DCDC2C: variants seen among roughly 807,000 people sequenced by gnomAD.
The protein encoded by DCDC2C is doublecortin domain-containing protein 2C.
In DCDC2C, 44 loss-of-function variants were observed where a neutral mutation model predicts 45.0. That is an observed-to-expected ratio of 0.98 (90% CI 0.77 to 1.26). The LOEUF is 1.26. Among genes scored for constraint, DCDC2C ranks in the 50% most tolerant of loss-of-function variants. The pLI, the probability that DCDC2C is intolerant of heterozygous loss-of-function variation, is 0.00. For missense variants in DCDC2C, 447 were observed against 468.9 expected (o/e 0.95, Z 0.43); for synonymous variants, 187 against 178.8 (o/e 1.05, Z -0.37).
intron 4 of DCDC2C, among the ~76,000 whole-genome samples, chr2:3,751,118 G>A (rs995362937): frequency 5.9e-5 from 9 of 152,170 alleles, no homozygotes; most frequent in Non-Finnish European, 1.0e-4. Flanking sequence ...CTCTTTGATG[G>A]CATTTTTCAT....
chr2:3,765,223 C>G (rs927221298), intron 6 of DCDC2C, among the ~76,000 whole-genome samples: 1 of 152,246 alleles, frequency 6.6e-6, no homozygotes, highest in African/African-American at 2.4e-5. Flanking sequence ...TTTCCATCCT[C>G]CTGCTCAGTT....
intron 2 of DCDC2C, among the ~76,000 whole-genome samples, chr2:3,718,974 C>A (rs1668421160): frequency 6.6e-6 from 1 of 152,194 alleles, no homozygotes; most frequent in Non-Finnish European, 1.5e-5. Flanking sequence ...ATTTTACAAC[C>A]CTCTTGTAAG....
intron 2 of DCDC2C, among the ~76,000 whole-genome samples, chr2:3,715,279 G>C (rs12618771): frequency 0.14 from 21,328 of 151,954 alleles, 3,893 homozygotes; most frequent in African/African-American, 0.42. Flanking sequence ...TTTTGCTTGA[G>C]ATTTAGAGAA....
At chr2:3,742,978 G>A (rs763202954) in intron 4 of DCDC2C, among the ~76,000 whole-genome samples, 3 of 152,186 alleles carry the variant, frequency 2.0e-5, no homozygotes, top group Non-Finnish European at 2.9e-5. Flanking sequence ...GAGGGGCTCC[G>A]GGCCTGGTGG....
chr2:3,724,154 C>A (rs1029934201), intron 2 of DCDC2C, among the ~76,000 whole-genome samples: 1 of 152,188 alleles, frequency 6.6e-6, no homozygotes, highest in South Asian at 2.1e-4. Context: ...TCAGCTGCTG[C>A]TCAGAGAAGT....
chr2:3,729,627 A>G (rs1251064998), intron 3 of DCDC2C, among the ~76,000 whole-genome samples: 1 of 152,198 alleles, frequency 6.6e-6, no homozygotes, highest in Non-Finnish European at 1.5e-5. Flanking sequence ...CCTCCGCCAG[A>G]GACTGGGAGA....
chr2:3,821,969 A>G (rs12711979), intron 10 of DCDC2C, among the ~76,000 whole-genome samples: 91,063 of 152,030 alleles, frequency 0.6, 27,895 homozygotes, highest in East Asian at 0.73. Flanking sequence ...AAGGGAAACT[A>G]TGTACCCATT....
intron 10 of DCDC2C, among the ~76,000 whole-genome samples, chr2:3,820,362 G>A (rs572043905): frequency 6.6e-6 from 1 of 152,272 alleles, no homozygotes; most frequent in South Asian, 2.1e-4. Context: ...AGAAGAAGGG[G>A]GAATGGAGGG....
chr2:3,808,292 C>A (rs141557457), intron 10 of DCDC2C, among the ~76,000 whole-genome samples: 4 of 152,236 alleles, frequency 2.6e-5, no homozygotes, highest in South Asian at 2.1e-4. Context: ...AATGACATTG[C>A]GCATCTTTTC....
At chr2:3,831,173 C>T (rs1285822206) in intron 10 of DCDC2C, among the ~76,000 whole-genome samples, 7 of 151,958 alleles carry the variant, frequency 4.6e-5, no homozygotes, top group African/African-American at 1.7e-4. Context: ...TATTTGTAGA[C>T]AGCCCTCTTC....
In DCDC2C at chr2:3,841,025, C is replaced by T. The variant is rs72772905; in HGVS notation, c.1066-6129C>T. On this transcript the variant is annotated intron_variant, in intron 10 of 10. Transcript: ENST00000399143. ...GTCAGCTGACAAATGAAGATTTTGG[C>T]GTACCGTACGGTGGCACAATCTCTC... Among the ~76,000 whole-genome samples, 1,265 of 152,320 alleles carry T rather than the reference C, an allele frequency of 8.3e-3. 24 individuals are homozygous for T. Among genetic ancestry groups the T allele is most frequent in the Admixed American group, 0.05 (760 of 15,302 alleles).
chr2:3,785,422 G>C (rs896458949), intron 10 of DCDC2C, among the ~76,000 whole-genome samples: 1 of 149,692 alleles, frequency 6.7e-6, no homozygotes, highest in East Asian at 2.1e-4. Flanking sequence ...TGGAAAACGC[G>C]TTTGAATTAT....
At chr2:3,717,333 TC>T (rs1398271710) in intron 2 of DCDC2C, among the ~76,000 whole-genome samples, 1 of 152,172 alleles carries the variant, frequency 6.6e-6, no homozygotes, top group Non-Finnish European at 1.5e-5. Context: ...GGCCTCTGAC[TC>T]CAAACCCAAT....
chr2:3,780,854 C>T (rs1176035423), intron 9 of DCDC2C, among the ~76,000 whole-genome samples: 1 of 152,202 alleles, frequency 6.6e-6, no homozygotes, highest in African/African-American at 2.4e-5. Context: ...TCGTTTTGAG[C>T]GATTCCAAAG....
intron 8 of DCDC2C, among the ~76,000 whole-genome samples, chr2:3,772,558 C>A (rs1412437372): frequency 6.6e-6 from 1 of 152,104 alleles, no homozygotes; most frequent in Non-Finnish European, 1.5e-5. Context: ...TGAATGTGGG[C>A]AGGGAGGGTC....
chr2:3,786,357 C>T (rs956612605), intron 10 of DCDC2C, among the ~76,000 whole-genome samples: 1 of 146,652 alleles, frequency 6.8e-6, no homozygotes, highest in Non-Finnish European at 1.5e-5. Context: ...GCGTGTGTCC[C>T]GCCTGTGCAC....
intron 1 of DCDC2C, among the ~76,000 whole-genome samples, chr2:3,706,000 G>A (rs922618804): frequency 6.6e-6 from 1 of 152,286 alleles, no homozygotes; most frequent in African/African-American, 2.4e-5. Flanking sequence ...TAGAGAGCAC[G>A]TGGGGTTCCT....
At chr2:3,799,399 T>C (rs1240234022) in intron 10 of DCDC2C, among the ~76,000 whole-genome samples, 8 of 152,188 alleles carry the variant, frequency 5.3e-5, no homozygotes, top group Non-Finnish European at 1.0e-4. Context: ...AGCTTTGTTC[T>C]GTTGCTGGTG....
chr2:3,743,967 C>G (rs11681307), intron 4 of DCDC2C, among the ~76,000 whole-genome samples: 2,786 of 152,060 alleles, frequency 0.018, 82 homozygotes, highest in African/African-American at 0.064. Flanking sequence ...TACTTGGGAG[C>G]CTGAGGCAGG....
Sources: gnomAD v4.1 joint callset for allele counts (sites outside exome capture counted in the v4.1 genomes callset) on GRCh38, gnomAD v4.1.1 for gene constraint, MANE v1.5 for transcripts, NCBI Gene and HGNC (gene_info 2026-07-23, HGNC 2026-07-21) for gene names.